Variants in LRP5 observed in about 807,000 individuals in gnomAD.
The protein encoded by LRP5 is LDL receptor related protein 5.
Under a neutral mutation model 154.1 loss-of-function variants are expected in LRP5, and 62 were observed. The observed-to-expected ratio is 0.40, with a 90% CI of 0.33 to 0.50. LRP5 has a LOEUF of 0.50. Ranked by LOEUF, LRP5 falls within the 20% of genes least tolerant of loss-of-function variation. The pLI, the probability that LRP5 is intolerant of heterozygous loss-of-function variation, is 0.55. For synonymous variants in LRP5, 966 were observed against 1,011.5 expected, an observed-to-expected ratio of 0.96 and a Z score of 0.85; for missense variants, 1,915 against 2,336.7, an observed-to-expected ratio of 0.82 and a Z score of 3.72.
intron 8 of LRP5, among the ~76,000 whole-genome samples, chr11:68,404,826 C>T (rs867486469): frequency 3.3e-5 from 5 of 151,626 alleles, no homozygotes; most frequent in Admixed American, 6.6e-5. Flanking sequence ...AAAAATTAGC[C>T]GGGTGCGGTG....
At chr11:68,376,168 CTTCTT>C (rs1203044359) in intron 5 of LRP5, among the ~76,000 whole-genome samples, 1 of 126,370 alleles carries the variant, frequency 7.9e-6, no homozygotes, top group Non-Finnish European at 1.7e-5. Flanking sequence ...GCTGGCCCTG[CTTCTT>C]TTTTTTTTTT....
intron 1 of LRP5, among the ~76,000 whole-genome samples, chr11:68,313,523 C>T (rs1447171037): frequency 2.0e-5 from 3 of 152,036 alleles, no homozygotes; most frequent in Non-Finnish European, 2.9e-5. Flanking sequence ...AGAGGTAGGG[C>T]GGGGGAACTT....
intron 5 of LRP5, among the ~76,000 whole-genome samples, chr11:68,384,092 G>A (rs138901897): frequency 6.6e-6 from 1 of 151,960 alleles, no homozygotes; most frequent in Non-Finnish European, 1.5e-5. Context: ...CCCTGGGCCC[G>A]TGTCGCTGTT....
intron 9 of LRP5, among the ~76,000 whole-genome samples, chr11:68,407,829 C>A (rs4323870): frequency 1 from 152,195 of 152,196 alleles, 76,097 homozygotes; most frequent in Middle Eastern, 1. Flanking sequence ...CCTGGGCAAC[C>A]AAAGTGAAAC....
rs370228203 is a variant in LRP5, at chr11:68,445,868, T to A, written c.4489-568T>A. ...GTGAAGGGGGTGCCTTTGTCTGGAGTGGGACTGTGGCCCCTCCCTCAGCGT... is the reference window on the plus strand; with the variant it reads ...GTGAAGGGGGTGCCTTTGTCTGGAGAGGGACTGTGGCCCCTCCCTCAGCGT... On this transcript the variant is annotated intron_variant, in intron 21 of 22. Transcript: ENST00000294304. Among the ~76,000 whole-genome samples the A allele has an allele frequency of 2.3e-3, 353 of 152,260 alleles. 6 individuals carry two copies. Among genetic ancestry groups the A allele is most frequent in the African/African-American group, 8.1e-3 (338 of 41,546 alleles).
intron 5 of LRP5, among the ~76,000 whole-genome samples, chr11:68,374,767 G>T (rs1231187101): frequency 6.6e-6 from 1 of 152,154 alleles, no homozygotes; most frequent in Non-Finnish European, 1.5e-5. Context: ...ATGGAACCAC[G>T]CAGCTGTGCT....
At chr11:68,394,027 G>A (rs73515041) in intron 7 of LRP5, among the ~76,000 whole-genome samples, 11,099 of 152,084 alleles carry the variant, frequency 0.073, 1,347 homozygotes, top group African/African-American at 0.25. Flanking sequence ...TCTCTGAGCC[G>A]TCTGACCCCA....
rs116449142 is a variant in LRP5 at position 68,410,669 on chromosome 11, G to A, written c.2318+529G>A. Among the ~76,000 whole-genome samples, 448 of 152,324 alleles carry A rather than the reference G, an allele frequency of 2.9e-3. 6 individuals are homozygous for A. The highest frequency in any genetic ancestry group is 9.6e-3 in the African/African-American group (397 of 41,560). On this transcript the variant is annotated intron_variant, in intron 10 of 22. Transcript: ENST00000294304. ...TTAGGACCCACCTCGAGAGGCAAAT[G>A]TGCTTTGAGCTGCCAGGCGTCCTGG...
intron 15 of LRP5, 72 bp downstream of exon 15, chr11:68,425,364 A>T (rs2098668163): frequency 1.4e-6 from 2 of 1,469,760 alleles, no homozygotes; most frequent in African/African-American, 2.8e-5. Flanking sequence ...CAGCTGCCAC[A>T]TTGTCCGAGA....
chr11:68,369,851 G>A (rs1031307300), intron 5 of LRP5, among the ~76,000 whole-genome samples: 59 of 152,144 alleles, frequency 3.9e-4, no homozygotes, highest in Admixed American at 1.1e-3. Flanking sequence ...GGCTACCCTG[G>A]CTTGCAAAGG....
chr11:68,391,325 C>T (rs2153156077), intron 7 of LRP5, among the ~76,000 whole-genome samples: 1 of 152,312 alleles, frequency 6.6e-6, no homozygotes, highest in Non-Finnish European at 1.5e-5. Flanking sequence ...CATGTGTCCC[C>T]ATCGCACCAT....
intron 5 of LRP5, among the ~76,000 whole-genome samples, chr11:68,366,573 G>A (rs1314395069): frequency 6.6e-6 from 1 of 152,096 alleles, no homozygotes; most frequent in Non-Finnish European, 1.5e-5. Flanking sequence ...GTGGCGTGTG[G>A]GTCTTTTCTC....
chr11:68,441,685 G>A (rs1043094740), intron 21 of LRP5, among the ~76,000 whole-genome samples: 2 of 152,176 alleles, frequency 1.3e-5, no homozygotes, highest in Admixed American at 6.5e-5. Flanking sequence ...TGGGAGCTGG[G>A]AGGATCTTAA....
At chr11:68,302,730 A>G in the LRP5 span, among the ~76,000 whole-genome samples, 5 of 152,106 alleles carry the variant, frequency 3.3e-5, no homozygotes, top group African/African-American at 1.2e-4. Flanking sequence ...CATGACACAC[A>G]TGTCTGGTGT....
In LRP5 at chr11:68,312,656, G is replaced by T; in HGVS notation, c.-59G>T. 1.2e-6 allele frequency: 1 copy of T among 815,048 alleles called. No individual in the cohort carries two copies. Among genetic ancestry groups the T allele is most frequent in the Non-Finnish European group, 1.5e-6 (1 of 673,860 alleles). The allele number at this position is 815,048 out of a possible 1,614,324, so 50.5% of individuals were successfully genotyped here. A position where few individuals can be genotyped will look rare whatever the true frequency, so the allele number is the denominator to read the frequency against. On this transcript the variant is annotated 5_prime_UTR_variant, in exon 1 of 23. Coordinates refer to ENST00000294304, the MANE Select transcript of LRP5 (RefSeq NM_002335.4). Reference sequence around the variant, plus strand: ...GCCGGGAGCCGCGCGAGGAGCCGCCGCCGCCGCGCCATGGAGCCCGAGTGA... The same window carrying T: ...GCCGGGAGCCGCGCGAGGAGCCGCCTCCGCCGCGCCATGGAGCCCGAGTGA...
At chr11:68,378,545 A>C (rs879319888) in intron 5 of LRP5, among the ~76,000 whole-genome samples, 4 of 151,908 alleles carry the variant, frequency 2.6e-5, no homozygotes, top group African/African-American at 4.8e-5. Context: ...TTAGAGACCG[A>C]GAGCCTCTAA....
intron 1 of LRP5, among the ~76,000 whole-genome samples, chr11:68,334,915 C>G (rs766277480): frequency 6.6e-6 from 1 of 152,010 alleles, no homozygotes; most frequent in Non-Finnish European, 1.5e-5. Flanking sequence ...TACACACGTA[C>G]AGTTGGTTCT....
rs11382677 is a variant in LRP5, at chr11:68,338,867, G to GTTTTTTTTTT, written c.92-8965_92-8956dup. On this transcript the variant is annotated intron_variant, in intron 1 of 22. Transcript: ENST00000294304. ...TCATTGGTTTTTTTGCTTTTGTTTAGTTTTTTTTTTTTTTTTTTTTTTTTG... is the reference window on the plus strand; with the variant it reads ...TCATTGGTTTTTTTGCTTTTGTTTAGTTTTTTTTTTTTTTTTTTTTTTTTTTTTTTTTTTG... 1.2e-4 allele frequency among the ~76,000 whole-genome samples: 11 copies of GTTTTTTTTTT among 91,938 alleles called. 1 individual carries two copies. The highest frequency in any genetic ancestry group is 1.5e-4 in the Non-Finnish European group (8 of 53,426). 60.3% of individuals were successfully genotyped at this position (91,938 alleles called of 152,430 possible).
At chr11:68,307,590 T>G in the LRP5 span, among the ~76,000 whole-genome samples, 3 of 151,262 alleles carry the variant, frequency 2.0e-5, no homozygotes, top group South Asian at 6.3e-4. Flanking sequence ...CCAGGGAGGT[T>G]GAGGCTGCAG....
Sources: gnomAD v4.1 joint callset for allele counts (sites outside exome capture counted in the v4.1 genomes callset) on GRCh38, gnomAD v4.1.1 for gene constraint, MANE v1.5 for transcripts, NCBI Gene and HGNC (gene_info 2026-07-23, HGNC 2026-07-21) for gene names.